Variants in SLC9A9 observed in about 807,000 individuals in gnomAD.
The protein encoded by SLC9A9 is sodium/hydrogen exchanger 9.
In SLC9A9, 62 loss-of-function variants were observed where a neutral mutation model predicts 77.8. The observed-to-expected ratio is 0.80, with a 90% CI of 0.65 to 0.98. The LOEUF (loss-of-function observed/expected upper bound fraction) is 0.98. Ranked by LOEUF, SLC9A9 falls within the 50% of genes least tolerant of loss-of-function variation. The probability of loss-of-function intolerance (pLI) is 0.00; values close to 1 mark genes in which losing one functional copy is unlikely to be tolerated. For missense variants in SLC9A9, 775 were observed against 774.9 expected (o/e 1.00, Z 0.00); for synonymous variants, 320 against 283.5 (o/e 1.13, Z -1.29).
intron 14 of SLC9A9, among the ~76,000 whole-genome samples, chr3:143,292,498 C>A (rs762211403): frequency 6.6e-6 from 1 of 151,956 alleles, no homozygotes; most frequent in Non-Finnish European, 1.5e-5. Context: ...GTTTTTTTCG[C>A]GATGTCCTAT....
intron 4 of SLC9A9, among the ~76,000 whole-genome samples, chr3:143,749,452 G>C (rs941866142): frequency 1.3e-5 from 2 of 152,194 alleles, no homozygotes; most frequent in African/African-American, 4.8e-5. Context: ...CTGGATACTT[G>C]GTTGAAATTC....
chr3:143,521,734 A>T (rs58829294), intron 9 of SLC9A9, among the ~76,000 whole-genome samples: 15,178 of 152,080 alleles, frequency 0.1, 1,392 homozygotes, highest in East Asian at 0.43. Context: ...AATACCCCTT[A>T]TAAGTACTCA....
At chr3:143,786,853 T>C (rs1374255508) in intron 4 of SLC9A9, among the ~76,000 whole-genome samples, 1 of 152,184 alleles carries the variant, frequency 6.6e-6, no homozygotes, top group African/African-American at 2.4e-5. Flanking sequence ...CCCTAAGCTC[T>C]GCTGTTTTGC....
intron 12 of SLC9A9, among the ~76,000 whole-genome samples, chr3:143,383,812 T>G (rs1280326607): frequency 1.3e-5 from 2 of 152,174 alleles, no homozygotes; most frequent in Non-Finnish European, 1.5e-5. Flanking sequence ...CCTCCCTAAT[T>G]ATCTCCCAGT....
At chr3:143,611,030 T>C (rs1010155688) in intron 6 of SLC9A9, among the ~76,000 whole-genome samples, 8 of 152,028 alleles carry the variant, frequency 5.3e-5, no homozygotes, top group Non-Finnish European at 1.0e-4. Flanking sequence ...CAAAAAAAAC[T>C]TCCAAAAACT....
intron 14 of SLC9A9, among the ~76,000 whole-genome samples, chr3:143,292,906 T>C (rs2030077585): frequency 6.6e-6 from 1 of 152,130 alleles, no homozygotes; most frequent in South Asian, 2.1e-4. Flanking sequence ...TGCCTGGGGC[T>C]GGTTAATGCT....
intron 6 of SLC9A9, among the ~76,000 whole-genome samples, chr3:143,637,993 A>C (rs2038554906): frequency 6.6e-6 from 1 of 152,198 alleles, no homozygotes; most frequent in Admixed American, 6.5e-5. Flanking sequence ...TTTTTCTTAT[A>C]AGTTATGCTA....
chr3:143,774,225 C>T (rs1158581295), intron 4 of SLC9A9, among the ~76,000 whole-genome samples: 2 of 152,168 alleles, frequency 1.3e-5, no homozygotes, highest in Non-Finnish European at 2.9e-5. Flanking sequence ...ACAGGCCAAC[C>T]ACGTCACCTT....
intron 9 of SLC9A9, among the ~76,000 whole-genome samples, chr3:143,551,858 G>A (rs766631866): frequency 2.0e-5 from 3 of 152,168 alleles, no homozygotes; most frequent in Non-Finnish European, 4.4e-5. Flanking sequence ...AAATGTCTGT[G>A]GAAAGAATCT....
intron 4 of SLC9A9, among the ~76,000 whole-genome samples, chr3:143,736,793 G>C (rs368189775): frequency 1.3e-5 from 2 of 152,306 alleles, no homozygotes; most frequent in South Asian, 2.1e-4. Context: ...TTGAGCAAAG[G>C]GCTAACATGA....
chr3:143,493,776 C>T lies in SLC9A9; in HGVS notation c.1204-12G>A, dbSNP rs1369441689. Reference sequence around the variant, plus strand: ...ACAAAAATTGCTAGCTGTAGATAAGCACAGGGAAACATTGAGGAAAGTGTT... The same window carrying T: ...ACAAAAATTGCTAGCTGTAGATAAGTACAGGGAAACATTGAGGAAAGTGTT... On this transcript the variant is annotated splice_polypyrimidine_tract_variant and intron_variant, in intron 10 of 15. Transcript: ENST00000316549. The T allele has an allele frequency of 6.4e-7, 1 of 1,564,924 alleles. No homozygotes were observed. The highest frequency in any genetic ancestry group is 8.8e-7 in the Non-Finnish European group (1 of 1,135,302).
intron 8 of SLC9A9, among the ~76,000 whole-genome samples, chr3:143,557,964 A>T (rs2037015976): frequency 6.6e-6 from 1 of 152,260 alleles, no homozygotes; most frequent in South Asian, 2.1e-4. Flanking sequence ...AAATGTCTCC[A>T]AGGCATGTCA....
chr3:143,288,899 C>G (rs1016970100), intron 14 of SLC9A9, among the ~76,000 whole-genome samples: 1 of 152,242 alleles, frequency 6.6e-6, no homozygotes, highest in Non-Finnish European at 1.5e-5. Context: ...CTAATACCCT[C>G]TTACCTAAGG....
chr3:143,394,772 AT>A (rs1375680735), intron 12 of SLC9A9, among the ~76,000 whole-genome samples: 2 of 152,236 alleles, frequency 1.3e-5, no homozygotes, highest in Admixed American at 6.5e-5. Flanking sequence ...TACAAAATCA[AT>A]GTGCAAAAAT....
chr3:143,785,788 T>C (rs2008030042), intron 4 of SLC9A9, among the ~76,000 whole-genome samples: 1 of 151,596 alleles, frequency 6.6e-6, no homozygotes, highest in Admixed American at 6.6e-5. Flanking sequence ...AAAATGACTA[T>C]GTCTGAGGGT....
chr3:143,286,045 T>A (rs1559852540), intron 14 of SLC9A9, among the ~76,000 whole-genome samples: 3 of 152,148 alleles, frequency 2.0e-5, no homozygotes, highest in Admixed American at 2.0e-4. Context: ...GTTAGTAATA[T>A]GCCCAGAGCT....
At chr3:143,721,907 G>A (rs72993527) in intron 4 of SLC9A9, among the ~76,000 whole-genome samples, 2,171 of 152,266 alleles carry the variant, frequency 0.014, 47 homozygotes, top group African/African-American at 0.05. Context: ...TAGCAAACAC[G>A]TTATTTTTTT....
chr3:143,316,226 G>C (rs1490829006), intron 14 of SLC9A9, among the ~76,000 whole-genome samples: 2 of 152,164 alleles, frequency 1.3e-5, no homozygotes, highest in Admixed American at 6.5e-5. Flanking sequence ...GGCAAAGGGG[G>C]TTGCTGGATT....
At chr3:143,615,414 C>T (rs190094351) in intron 6 of SLC9A9, among the ~76,000 whole-genome samples, 2 of 152,168 alleles carry the variant, frequency 1.3e-5, no homozygotes, top group African/African-American at 4.8e-5. Flanking sequence ...CAGATGGAGA[C>T]CCTCTCCATC....
Sources: gnomAD v4.1 joint callset for allele counts (sites outside exome capture counted in the v4.1 genomes callset) on GRCh38, gnomAD v4.1.1 for gene constraint, MANE v1.5 for transcripts, NCBI Gene and HGNC (gene_info 2026-07-23, HGNC 2026-07-21) for gene names.